The following USO1 variants were observed in gnomAD, a reference collection of about 807,000 sequenced individuals.
USO1 encodes the protein general vesicular transport factor p115.
Under a neutral mutation model 124.5 loss-of-function variants are expected in USO1, and 57 were observed. The ratio of observed to expected loss-of-function variants is 0.46; its 90% CI spans 0.37 to 0.57. The LOEUF (loss-of-function observed/expected upper bound fraction) is 0.57. Ranked by LOEUF, USO1 falls within the 20% of genes least tolerant of loss-of-function variation. The pLI is 0.00. For synonymous variants in USO1, 369 were observed against 362.8 expected, an observed-to-expected ratio of 1.02 and a Z score of -0.19; for missense variants, 900 against 1,040.6, an observed-to-expected ratio of 0.86 and a Z score of 1.86.
intron 10 of USO1, among the ~76,000 whole-genome samples, chr4:75,788,128 C>A (rs1406236162): frequency 6.6e-6 from 1 of 150,570 alleles, no homozygotes; most frequent in African/African-American, 2.4e-5. Context: ...GACTTGGCTT[C>A]CTTGATTATC....
chr4:75,754,758 C>T (rs1721390420), intron 3 of USO1, among the ~76,000 whole-genome samples: 1 of 152,168 alleles, frequency 6.6e-6, no homozygotes, highest in Non-Finnish European at 1.5e-5. Context: ...TTTCCGTTTC[C>T]TTTTTTGGCC....
In USO1 at chr4:75,805,178, G is replaced by C. The variant is rs1275897838; in HGVS notation, c.2164G>C (p.Ala722Pro). The stretch of plus-strand genomic sequence containing the variant: ...GCATCAAGGTTCTTACAGTGAGGGG[G>C]CTCAGATGAATGGCATTCAGCCAGA... ...NQHQGSYSEG[A>P]QMNGIQPEEI... Residue 722 changes from alanine to proline, a missense_variant, in exon 19 of 24, where the codon GCT (alanine) becomes CCT (proline). Ala to Pro is a conservative substitution (Grantham distance 27). Around this residue, in one of 2 missense-constraint regions of USO1, gnomAD observed 362 missense variants for 359.0 expected, o/e 1.01. Transcript: ENST00000514213. The C allele has an allele frequency of 5.0e-6, 8 of 1,610,716 alleles. No individual in the cohort carries two copies. The highest frequency in any genetic ancestry group is 1.6e-4 in the Middle Eastern group (1 of 6,074).
chr4:75,810,814 T>C (rs1419958957), intron 22 of USO1, among the ~76,000 whole-genome samples: 1 of 152,136 alleles, frequency 6.6e-6, no homozygotes, highest in Non-Finnish European at 1.5e-5. Context: ...CACCACAACC[T>C]CTGCCTCCCA....
At chr4:75,744,939 T>G (rs375764421) in intron 1 of USO1, 16 of 504,864 alleles carry the variant, frequency 3.2e-5, no homozygotes, top group African/African-American at 2.9e-4. Context: ...GAAGTTGAAT[T>G]CCAAACAGTG....
At position 75,724,668 on chromosome 4, in the gene USO1, G is replaced by C. The variant is rs1256746685; in HGVS notation, c.-152G>C. The C allele has an allele frequency of 2.9e-6, 2 of 699,660 alleles. No individual in the cohort carries two copies. The highest frequency in any genetic ancestry group is 4.7e-6 in the Non-Finnish European group (2 of 423,608). The allele number at this position is 699,660 out of a possible 1,614,324, so 43.3% of individuals were successfully genotyped here. A position where few individuals can be genotyped will look rare whatever the true frequency, so the allele number is the denominator to read the frequency against. On this transcript the variant is annotated 5_prime_UTR_variant, in exon 1 of 24. The change abolishes the stop of an existing upstream ORF in the 5' untranslated region. Transcript: ENST00000514213. ...CTGCTGGCGGCTGTTTCCGGGCTTA[G>C]AGGGCTGGAGTGGCCGCCGAGTTGG...
intron 4 of USO1, among the ~76,000 whole-genome samples, chr4:75,760,117 C>T (rs533315762): frequency 6.6e-6 from 1 of 152,074 alleles, no homozygotes; most frequent in South Asian, 2.1e-4. Flanking sequence ...GAGGCTGAGG[C>T]AGTAGAATTG....
chr4:75,812,939 C>T (rs1723191497), intron 23 of USO1, among the ~76,000 whole-genome samples: 1 of 151,960 alleles, frequency 6.6e-6, no homozygotes, highest in South Asian at 2.1e-4. Flanking sequence ...GGTGAAACCC[C>T]ATCTCTACTA....
intron 1 of USO1, 163 bp downstream of exon 1, chr4:75,725,048 T>C (rs569186762): frequency 1.3e-5 from 10 of 746,390 alleles, no homozygotes; most frequent in African/African-American, 3.6e-5. Flanking sequence ...CCCAGAGTTA[T>C]TCAATCACGC....
intron 7 of USO1, among the ~76,000 whole-genome samples, chr4:75,772,803 A>G (rs897983536): frequency 6.6e-6 from 1 of 152,120 alleles, no homozygotes; most frequent in African/African-American, 2.4e-5. Context: ...CTTAAAAAAA[A>G]TAACTGCATT....
At position 75,776,186 on chromosome 4, in the gene USO1, A is replaced by G. The variant is rs200900708; in HGVS notation, c.676+1390A>G. On this transcript the variant is annotated intron_variant, in intron 8 of 23. Coordinates refer to ENST00000514213, the MANE Select transcript of USO1 (RefSeq NM_003715.4). Reference sequence around the variant, plus strand: ...ACAGGAGATTTTATGAGAGTAGAGGAACTATGGTCTCTCGAAAGTACACTG... The same window carrying G: ...ACAGGAGATTTTATGAGAGTAGAGGGACTATGGTCTCTCGAAAGTACACTG... 2.0e-5 allele frequency among the ~76,000 whole-genome samples: 3 copies of G among 152,286 alleles called. No individual in the cohort carries two copies. In the East Asian group the frequency reaches 5.8e-4, roughly 29 times the overall value.
At chr4:75,810,366 C>A (rs1723110440) in intron 21 of USO1, 66 bp from the exon 22 acceptor site, 3 of 1,474,424 alleles carry the variant, frequency 2.0e-6, no homozygotes, top group Admixed American at 2.7e-5. Flanking sequence ...AATTAAATAA[C>A]CCTTTGGGAG....
At chr4:75,733,224 A>T (rs1396418138) in intron 1 of USO1, among the ~76,000 whole-genome samples, 1 of 152,142 alleles carries the variant, frequency 6.6e-6, no homozygotes. Flanking sequence ...ACGCCACTGC[A>T]GTCCAGCCTG....
chr4:75,786,460 G>A (rs967023130), intron 9 of USO1, among the ~76,000 whole-genome samples: 3 of 141,998 alleles, frequency 2.1e-5, no homozygotes, highest in Non-Finnish European at 3.1e-5. Context: ...ACATAACTGT[G>A]TTAAATAGTT....
At chr4:75,786,795 C>T (rs1722374237) in intron 9 of USO1, among the ~76,000 whole-genome samples, 1 of 152,174 alleles carries the variant, frequency 6.6e-6, no homozygotes, top group African/African-American at 2.4e-5. Context: ...AAGTACTATG[C>T]TTCTTTGGGA....
At chr4:75,792,162 G>A (rs1349535870) in intron 12 of USO1, among the ~76,000 whole-genome samples, 1 of 152,066 alleles carries the variant, frequency 6.6e-6, no homozygotes, top group African/African-American at 2.4e-5. Flanking sequence ...CATTTTGGGA[G>A]GCCAAGGCAG....
At chr4:75,759,108 G>C (rs1383372053) in intron 4 of USO1, among the ~76,000 whole-genome samples, 5 of 151,472 alleles carry the variant, frequency 3.3e-5, no homozygotes, top group Admixed American at 2.6e-4. Context: ...TTTTAGTTAG[G>C]AGGTTTTTTT....
At chr4:75,764,093 A>G (rs1721698536) in intron 4 of USO1, among the ~76,000 whole-genome samples, 1 of 152,216 alleles carries the variant, frequency 6.6e-6, no homozygotes, top group Non-Finnish European at 1.5e-5. Context: ...TTGTAATAGG[A>G]CCATATTTTA....
At chr4:75,730,224 T>C (rs1720590381) in intron 1 of USO1, among the ~76,000 whole-genome samples, 1 of 152,202 alleles carries the variant, frequency 6.6e-6, no homozygotes, top group South Asian at 2.1e-4. Context: ...AAAGTTAGAA[T>C]CATTTAAATT....
At position 75,755,098 on chromosome 4, in the gene USO1, T is replaced by C. The variant is rs149970535; in HGVS notation, c.219-2399T>C. ...TCTCTCTTGGTAAGGCTGTTTGATA[T>C]GGCAACTGCTCTCCCAGAGCAAACT... is the stretch of plus-strand genomic sequence containing the variant. On this transcript the variant is annotated intron_variant, in intron 3 of 23. Transcript: ENST00000514213. Among the ~76,000 whole-genome samples, 448 of 152,306 alleles carry C rather than the reference T, an allele frequency of 2.9e-3. 2 individuals are homozygous for C. The highest frequency in any genetic ancestry group is 6.4e-3 in the South Asian group (31 of 4,826).
Sources: allele counts gnomAD v4.1 joint callset (sites outside exome capture counted in the v4.1 genomes callset), GRCh38; gene constraint gnomAD v4.1.1; regional missense constraint gnomAD v4.1.1; transcripts MANE v1.5; gene names NCBI Gene and HGNC (gene_info 2026-07-23, HGNC 2026-07-21).